Variants in POGK observed in about 807,000 individuals in gnomAD.
The protein encoded by POGK is pogo transposable element with KRAB domain.
Under a neutral mutation model 54.4 loss-of-function variants are expected in POGK, and 16 were observed. The ratio of observed to expected loss-of-function variants is 0.29; its 90% CI spans 0.20 to 0.45. POGK has a LOEUF of 0.45. POGK is among the 20% of genes least tolerant of loss of function. POGK has a pLI of 1.00. For missense variants in POGK, 515 were observed against 795.6 expected, an observed-to-expected ratio of 0.65 and a Z score of 4.24; for synonymous variants, 271 against 302.2, an observed-to-expected ratio of 0.90 and a Z score of 1.07.
rs1658164262 is a variant in POGK, at chr1:166,853,700, A to T, written c.*1130A>T. 6.6e-6 allele frequency: 1 copy of T among 152,614 alleles called. No individual in the cohort carries two copies. The highest frequency in any genetic ancestry group is 6.5e-5 in the Admixed American group (1 of 15,288). The allele number at this position is 152,614 out of a possible 1,614,324, so 9.5% of individuals were successfully genotyped here. A position where few individuals can be genotyped will look rare whatever the true frequency, so the allele number is the denominator to read the frequency against. On this transcript the variant is annotated 3_prime_UTR_variant, in exon 6 of 6. Transcript: ENST00000367876. ...AGACAAAGCCATTGCTAGAAATGTCATTCCAATGATCAGATCTGGAAACAG... is the reference window on the plus strand; with the variant it reads ...AGACAAAGCCATTGCTAGAAATGTCTTTCCAATGATCAGATCTGGAAACAG...
intron 2 of POGK, 68 bp from the exon 3 acceptor site, chr1:166,846,544 C>T: frequency 1.3e-6 from 2 of 1,599,128 alleles, no homozygotes; most frequent in African/African-American, 2.7e-5. Context: ...CTGTAAGGTC[C>T]TGTCCGCTCT....
chr1:166,847,682 G>A (rs1024880417), intron 4 of POGK, 90 bp downstream of exon 4: 2 of 999,044 alleles, frequency 2.0e-6, no homozygotes, highest in African/African-American at 3.2e-5. Context: ...TATTTAAGAG[G>A]TAGAAGGATT....
In POGK at chr1:166,853,706, A is replaced by G. The variant is rs1164499233; in HGVS notation, c.*1136A>G. The stretch of plus-strand genomic sequence containing the variant: ...AGCCATTGCTAGAAATGTCATTCCA[A>G]TGATCAGATCTGGAAACAGGCTGCC... On this transcript the variant is annotated 3_prime_UTR_variant, in exon 6 of 6. Transcript: ENST00000367876. 3 of 152,664 alleles carry G rather than the reference A, an allele frequency of 2.0e-5. No individual in the cohort carries two copies. Among genetic ancestry groups the G allele is most frequent in the Admixed American group, 1.3e-4 (2 of 15,290 alleles). The allele number at this position is 152,664 out of a possible 1,614,324, so 9.5% of individuals were successfully genotyped here. A position where few individuals can be genotyped will look rare whatever the true frequency, so the allele number is the denominator to read the frequency against.
chr1:166,852,439 G>A (rs1658107608), intron 5 of POGK, 146 bp from the exon 6 acceptor site: 1 of 152,224 alleles, frequency 6.6e-6, no homozygotes, highest in Non-Finnish European at 1.5e-5. Flanking sequence ...CAGATTCACA[G>A]TGAACAAGAG....
At position 166,850,376 on chromosome 1, in the gene POGK, T is replaced by C. The variant is rs757319588; in HGVS notation, c.1797T>C (p.Asp599=). The change falls in exon 5 of 6, where the codon GAT becomes GAC. Residue 599 remains aspartate (D), a synonymous_variant. Coordinates refer to ENST00000367876, the MANE Select transcript of POGK (RefSeq NM_017542.5). ...ELPGGGEPPK[D]CDTESMAESN ...CAGGAGGAGGAGAACCACCAAAAGATTGTGACACCGAAAGCATGGCTGAGA... is the reference window on the plus strand; with the variant it reads ...CAGGAGGAGGAGAACCACCAAAAGACTGTGACACCGAAAGCATGGCTGAGA... 3.1e-6 allele frequency: 5 copies of C among 1,612,034 alleles called. No individual in the cohort carries two copies. Among genetic ancestry groups the C allele is most frequent in the Non-Finnish European group, 4.2e-6 (5 of 1,179,508 alleles).
Position 166,849,818 on chromosome 1 carries a change from G to A in POGK, c.1239G>A (p.Pro413=), listed in dbSNP as rs1459883803. 1.4e-5 allele frequency: 22 copies of A among 1,614,124 alleles called. No homozygotes were observed. Among genetic ancestry groups the A allele is most frequent in the Admixed American group, 5.0e-5 (3 of 60,014 alleles). The change falls in exon 5 of 6, where the codon CCG becomes CCA. Residue 413 remains proline (P), a synonymous_variant. Coordinates refer to ENST00000367876, the MANE Select transcript of POGK (RefSeq NM_017542.5). The part of the protein sequence containing the change: ...GVLADGRKLP[P]YIILRGTYIP... Reference sequence around the variant, plus strand: ...TGGCTGATGGGAGGAAGTTACCACCGTACATCATTTTGAGGGGAACATATA... The same window carrying A: ...TGGCTGATGGGAGGAAGTTACCACCATACATCATTTTGAGGGGAACATATA...
At position 166,840,838 on chromosome 1, in the gene POGK, C is replaced by A. The variant is rs1571218225; in HGVS notation, c.-2-117C>A. On this transcript the variant is annotated intron_variant, in intron 1 of 5. Transcript: ENST00000367876. ...CGACTCTTGTTTCCTTACTTCCCTC[C>A]AGCGGGAACAGTGCTTGGGGCTAAA... 1.6e-5 allele frequency: 21 copies of A among 1,296,662 alleles called. No homozygotes were observed. The South Asian group carries it at 2.6e-4, about 16-fold the overall frequency. 80.3% of individuals were successfully genotyped at this position (1,296,662 alleles called of 1,614,324 possible).
intron 2 of POGK, among the ~76,000 whole-genome samples, chr1:166,844,322 G>C (rs1571221764): frequency 6.6e-6 from 1 of 152,136 alleles, no homozygotes; most frequent in East Asian, 1.9e-4. Context: ...TCAGCAAAGG[G>C]AAAGGGACTA....
At position 166,856,078 on chromosome 1, in the gene POGK, C is replaced by CA. The variant is rs1293155746; in HGVS notation, c.*3511dup. ...CAGTAGTTCAGGCCTGTAATCCTAA[C>CA]AAACACTCTGGGAGGCCAAGGTGGG... On this transcript the variant is annotated 3_prime_UTR_variant, in exon 6 of 6. Transcript: ENST00000367876. 1 of 151,766 alleles carries CA rather than the reference C, an allele frequency of 6.6e-6. No homozygotes were observed. Among genetic ancestry groups the CA allele is most frequent in the Non-Finnish European group, 1.5e-5 (1 of 67,988 alleles). 9.4% of individuals were successfully genotyped at this position (151,766 alleles called of 1,614,324 possible). A position where few individuals can be genotyped will look rare whatever the true frequency, so the allele number is the denominator to read the frequency against.
chr1:166,840,768 G>A (rs146696427), intron 1 of POGK, among the ~76,000 whole-genome samples, 187 bp from the exon 2 acceptor site: 93 of 152,278 alleles, frequency 6.1e-4, no homozygotes, highest in African/African-American at 2.0e-3. Context: ...TCTACCCACA[G>A]CCTCTCTTAT....
In POGK at chr1:166,849,966, A is replaced by G; in HGVS notation, c.1387A>G (p.Lys463Glu). The change falls in exon 5 of 6, where the codon AAG becomes GAG. Residue 463 changes from lysine (K) to glutamate (E), a missense_variant. Coordinates refer to ENST00000367876, the MANE Select transcript of POGK (RefSeq NM_017542.5). ...GAGACGGAGGACAGGAGCAGTGCCC[A>G]AGCAGCGAGGGATGCTGATCTTGAA... is the stretch of plus-strand genomic sequence containing the variant. The part of the protein sequence containing the change: ...VWRRRTGAVP[K>E]QRGMLILNGF... 1.2e-6 allele frequency: 2 copies of G among 1,614,242 alleles called. No homozygotes were observed. The highest frequency in any genetic ancestry group is 2.2e-5 in the South Asian group (2 of 91,086).
At position 166,841,076 on chromosome 1, in the gene POGK, T is replaced by G; in HGVS notation, c.120T>G (p.Ser40=). ...PADMQKVRIC[S]EGGWVPALFD... is the part of the protein sequence containing the mutation. ...ACATGCAGAAAGTACGAATCTGCTC[T>G]GAGGGCGGATGGGTAAGTAAGAAGG... is the stretch of plus-strand genomic sequence containing the variant. The change falls in exon 2 of 6, where the codon TCT becomes TCG. Residue 40 remains serine (S), a synonymous_variant. Transcript: ENST00000367876. 1.2e-6 allele frequency: 2 copies of G among 1,613,860 alleles called. No individual in the cohort carries two copies. Among genetic ancestry groups the G allele is most frequent in the Non-Finnish European group, 1.7e-6 (2 of 1,179,954 alleles).
rs962773614 is a variant in POGK at position 166,855,992 on chromosome 1, T to TATTG, written c.*3426_*3429dup. 1 of 152,190 alleles carries TATTG rather than the reference T, an allele frequency of 6.6e-6. No homozygotes were observed. The highest frequency in any genetic ancestry group is 1.5e-5 in the Non-Finnish European group (1 of 68,030). 9.4% of individuals were successfully genotyped at this position (152,190 alleles called of 1,614,324 possible). A position where few individuals can be genotyped will look rare whatever the true frequency, so the allele number is the denominator to read the frequency against. On this transcript the variant is annotated 3_prime_UTR_variant, in exon 6 of 6. Coordinates refer to ENST00000367876, the MANE Select transcript of POGK (RefSeq NM_017542.5). ...CTTGTGCCAAGAACTGAAACTAAGC[T>TATTG]ATTGATTTTTTTTTAAGAAGTCTTA...
rs532037973 is a variant in POGK, at chr1:166,842,982, T to G, written c.132+1894T>G. 6.5e-4 allele frequency among the ~76,000 whole-genome samples: 99 copies of G among 152,286 alleles called. 1 individual carries two copies. Among genetic ancestry groups the G allele is most frequent in the Non-Finnish European group, 7.4e-4 (50 of 68,018 alleles). On this transcript the variant is annotated intron_variant, in intron 2 of 5. Transcript: ENST00000367876. ...AAATATGTATTTTGGTTATAGAGAA[T>G]TATGTTAGGGTGATCAGTGAAAGCT...
Position 166,848,937 on chromosome 1 carries a change from G to T in POGK, c.359-1G>T. 6.3e-7 allele frequency: 1 copy of T among 1,581,708 alleles called. No homozygotes were observed. The highest frequency in any genetic ancestry group is 8.6e-7 in the Non-Finnish European group (1 of 1,164,378). ...TTTGCCCCTCACTATTTGTCTCCCAGAAAATGAAGAATCTGACGTAAAGCC... is the reference window on the plus strand; with the variant it reads ...TTTGCCCCTCACTATTTGTCTCCCATAAAATGAAGAATCTGACGTAAAGCC... On this transcript the variant is annotated splice_acceptor_variant, in intron 4 of 5. Coordinates refer to ENST00000367876, the MANE Select transcript of POGK (RefSeq NM_017542.5). LOFTEE classifies it high-confidence loss of function.
At chr1:166,852,043 A>G (rs965345486) in intron 5 of POGK, 5 of 152,160 alleles carry the variant, frequency 3.3e-5, no homozygotes, top group African/African-American at 9.7e-5. Context: ...AGTTCTTACT[A>G]TTACATTCAA....
chr1:166,841,971 G>A (rs1657534180), intron 2 of POGK, among the ~76,000 whole-genome samples: 1 of 151,210 alleles, frequency 6.6e-6, no homozygotes, highest in African/African-American at 2.4e-5. Context: ...TAAAAGTAAT[G>A]CATTTTACCA....
At chr1:166,843,457 T>G (rs1028298144) in intron 2 of POGK, among the ~76,000 whole-genome samples, 3 of 152,246 alleles carry the variant, frequency 2.0e-5, no homozygotes, top group African/African-American at 7.2e-5. Context: ...AAGCAAAGCT[T>G]TGGCATCAGA....
At chr1:166,844,916 G>A (rs1657773211) in intron 2 of POGK, among the ~76,000 whole-genome samples, 1 of 152,150 alleles carries the variant, frequency 6.6e-6, no homozygotes, top group Non-Finnish European at 1.5e-5. Context: ...CCTGGAAGAT[G>A]GGTGGGTGTC....
Sources: gnomAD v4.1 joint callset for allele counts (sites outside exome capture counted in the v4.1 genomes callset) on GRCh38, gnomAD v4.1.1 for gene constraint, MANE v1.5 for transcripts, NCBI Gene and HGNC (gene_info 2026-07-23, HGNC 2026-07-21) for gene names.